Variants in LRFN5 observed in about 807,000 individuals in gnomAD.
LRFN5 encodes the protein leucine rich repeat and fibronectin type III domain containing 5.
Under a neutral mutation model 45.6 loss-of-function variants are expected in LRFN5, and 24 were observed. The ratio of observed to expected loss-of-function variants is 0.53; its 90% confidence interval spans 0.38 to 0.74. The LOEUF is 0.74. LRFN5 is among the 30% of genes least tolerant of loss of function. The pLI, the probability that LRFN5 is intolerant of heterozygous loss-of-function variation, is 0.00. For missense variants in LRFN5, 776 were observed against 861.5 expected, an observed-to-expected ratio of 0.90 and a Z score of 1.24; for synonymous variants, 340 against 313.8, an observed-to-expected ratio of 1.08 and a Z score of -0.88.
intron 1 of LRFN5, among the ~76,000 whole-genome samples, chr14:41,676,895 A>G (rs1178965293): frequency 6.6e-6 from 1 of 152,224 alleles, no homozygotes; most frequent in African/African-American, 2.4e-5. Flanking sequence ...CTTGGAAGCA[A>G]TGAGAGAGGG....
intron 4 of LRFN5, chr14:41,894,077 T>G (rs1335519655): frequency 2.0e-6 from 2 of 984,350 alleles, no homozygotes; most frequent in East Asian, 2.3e-4. Context: ...TTTCTCTTCT[T>G]AGATTTATCA....
chr14:41,655,283 G>T lies in LRFN5; in HGVS notation c.-197+46721G>T, dbSNP rs974444204. 2.0e-5 allele frequency among the ~76,000 whole-genome samples: 3 copies of T among 151,982 alleles called. No homozygotes were observed. The East Asian group carries it at 5.8e-4, about 29-fold the overall frequency. ...ATCAGAGTGGGAAGCTGTTGGAAGG[G>T]TTATTATTTTATATAGACTAGTGGG... On this transcript the variant is annotated intron_variant, in intron 1 of 5. Coordinates refer to ENST00000298119, the MANE Select transcript of LRFN5 (RefSeq NM_152447.5).
chr14:41,718,474 A>G (rs1051330914), intron 1 of LRFN5, among the ~76,000 whole-genome samples: 1 of 152,204 alleles, frequency 6.6e-6, no homozygotes, highest in Non-Finnish European at 1.5e-5. Flanking sequence ...CAGAAATTCT[A>G]GTTATTATAA....
At position 41,904,209 on chromosome 14, in the gene LRFN5, T is replaced by C. The variant is rs776397599; in HGVS notation, c.*34T>C. On this transcript the variant is annotated 3_prime_UTR_variant, in exon 6 of 6. Transcript: ENST00000298119. ...ACTTCTCCTCTCTCTCCTGAAAAAA[T>C]TTGCCACTGATATTTTTACTGGATA... is the stretch of plus-strand genomic sequence containing the variant. The C allele has an allele frequency of 6.2e-7, 1 of 1,609,358 alleles. No individual in the cohort carries two copies.
At chr14:41,674,023 C>G (rs535755997) in intron 1 of LRFN5, among the ~76,000 whole-genome samples, 744 of 141,094 alleles carry the variant, frequency 5.3e-3, no homozygotes, top group East Asian at 9.8e-3. Flanking sequence ...CGGTGGCTGC[C>G]GGGCAGAGAG....
intron 1 of LRFN5, among the ~76,000 whole-genome samples, chr14:41,678,431 C>T (rs1427859973): frequency 6.6e-6 from 1 of 151,908 alleles, no homozygotes; most frequent in Non-Finnish European, 1.5e-5. Context: ...GAGAAATAGA[C>T]AATTCAGCAA....
chr14:41,869,644 T>G lies in LRFN5; in HGVS notation c.-20-16962T>G, dbSNP rs1279259870. Among the ~76,000 whole-genome samples the G allele has an allele frequency of 2.0e-5, 3 of 152,130 alleles. No individual in the cohort carries two copies. In the East Asian group the frequency reaches 5.8e-4, roughly 29 times the overall value. On this transcript the variant is annotated intron_variant, in intron 2 of 5. Coordinates refer to ENST00000298119, the MANE Select transcript of LRFN5 (RefSeq NM_152447.5). ...AGAAAAAGAGGTTTAATGGACTCAC[T>G]GTCCCACATGGCTGGGGAGGCCTCA...
chr14:41,771,673 C>T (rs371365120), intron 2 of LRFN5, among the ~76,000 whole-genome samples: 20 of 152,270 alleles, frequency 1.3e-4, no homozygotes, highest in African/African-American at 4.6e-4. Context: ...TTCCCAGTAA[C>T]TTCCTCATTT....
At chr14:41,721,003 C>G (rs1384169206) in intron 1 of LRFN5, among the ~76,000 whole-genome samples, 2 of 151,976 alleles carry the variant, frequency 1.3e-5, no homozygotes, top group Non-Finnish European at 2.9e-5. Flanking sequence ...TACTATCATT[C>G]TGTGGCTCTG....
At chr14:41,778,058 A>G (rs1027201183) in intron 2 of LRFN5, among the ~76,000 whole-genome samples, 29 of 151,104 alleles carry the variant, frequency 1.9e-4, no homozygotes, top group African/African-American at 6.5e-4. Context: ...GAATATCTCA[A>G]TATTTGATAA....
intron 2 of LRFN5, among the ~76,000 whole-genome samples, chr14:41,877,249 G>A (rs889513721): frequency 2.6e-5 from 4 of 152,154 alleles, no homozygotes; most frequent in Admixed American, 1.3e-4. Flanking sequence ...AGTTGCACAA[G>A]CTCAGCAGCT....
intron 1 of LRFN5, among the ~76,000 whole-genome samples, chr14:41,736,747 C>T (rs1884452947): frequency 6.6e-6 from 1 of 152,136 alleles, no homozygotes; most frequent in Non-Finnish European, 1.5e-5. Flanking sequence ...ACTAGAAAAT[C>T]TAGAGGAAAT....
In LRFN5 at chr14:41,834,667, T is replaced by G. The variant is rs534479367; in HGVS notation, c.-20-51939T>G. 1.2e-4 allele frequency among the ~76,000 whole-genome samples: 19 copies of G among 152,256 alleles called. No homozygotes were observed. The South Asian group carries it at 2.3e-3, about 18-fold the overall frequency. ...TTTTTTGTTGTTTGTTTGTTTTGTT[T>G]TGTTGTGTTTGTGAGACAGGTTCTC... On this transcript the variant is annotated intron_variant, in intron 2 of 5. Transcript: ENST00000298119.
intron 1 of LRFN5, among the ~76,000 whole-genome samples, chr14:41,709,444 A>G (rs914177341): frequency 2.6e-5 from 4 of 152,014 alleles, no homozygotes; most frequent in Non-Finnish European, 5.9e-5. Context: ...CATTTTTCAC[A>G]CTGTTTATTA....
chr14:41,857,146 T>C (rs1566486875), intron 2 of LRFN5, among the ~76,000 whole-genome samples: 1 of 152,176 alleles, frequency 6.6e-6, no homozygotes, highest in African/African-American at 2.4e-5. Context: ...AAGAACCTTA[T>C]AAGTGTTGTT....
chr14:41,699,103 A>G (rs943270304), intron 1 of LRFN5, among the ~76,000 whole-genome samples: 4 of 152,074 alleles, frequency 2.6e-5, no homozygotes, highest in African/African-American at 4.8e-5. Flanking sequence ...TTTCATTTTT[A>G]CCACTACAAA....
intron 5 of LRFN5, among the ~76,000 whole-genome samples, chr14:41,901,949 CAT>C (rs1891113312): frequency 6.6e-6 from 1 of 151,906 alleles, no homozygotes. Flanking sequence ...ATGTTTTTAA[CAT>C]ATATATTTGA....
At chr14:41,755,908 T>C (rs980721849) in intron 1 of LRFN5, among the ~76,000 whole-genome samples, 1 of 152,242 alleles carries the variant, frequency 6.6e-6, no homozygotes, top group Non-Finnish European at 1.5e-5. Context: ...TGGTACCGGA[T>C]GTTCCTTTCC....
chr14:41,844,311 C>A (rs1262814465), intron 2 of LRFN5, among the ~76,000 whole-genome samples: 1 of 151,696 alleles, frequency 6.6e-6, no homozygotes, highest in Non-Finnish European at 1.5e-5. Context: ...GTGGTGGGCA[C>A]CTGTAGTCCC....
Sources: gnomAD v4.1 joint callset for allele counts (sites outside exome capture counted in the v4.1 genomes callset) on GRCh38, gnomAD v4.1.1 for gene constraint, MANE v1.5 for transcripts, NCBI Gene and HGNC (gene_info 2026-07-23, HGNC 2026-07-21) for gene names.